Variants in DIP2C observed in about 807,000 individuals in gnomAD.
DIP2C encodes the protein DIP2 acetate--CoA ligase C (putative), also known as disco-interacting protein 2 homolog C.
A neutral mutation model predicts 192.4 loss-of-function variants in DIP2C; 33 were observed. The ratio of observed to expected loss-of-function variants is 0.17; its 90% CI spans 0.13 to 0.23. DIP2C has a LOEUF of 0.23. DIP2C is among the 10% of genes least tolerant of loss of function. The pLI, the probability that DIP2C is intolerant of heterozygous loss-of-function variation, is 1.00. For missense variants in DIP2C, 1,537 were observed against 2,110.1 expected (o/e 0.73, Z 5.32); for synonymous variants, 979 against 864.1 (o/e 1.13, Z -2.33).
chr10:638,614 TTGAC>T (rs1854965064), intron 1 of DIP2C, among the ~76,000 whole-genome samples: 1 of 152,210 alleles, frequency 6.6e-6, no homozygotes, highest in Non-Finnish European at 1.5e-5. Flanking sequence ...TTGACAAAGT[TTGAC>T]TGTGAGTTTC....
At chr10:637,867 C>A (rs1159140228) in intron 1 of DIP2C, among the ~76,000 whole-genome samples, 1 of 152,236 alleles carries the variant, frequency 6.6e-6, no homozygotes, top group East Asian at 1.9e-4. Flanking sequence ...GATTCTAAAT[C>A]ACCGTCCTCT....
chr10:378,767 G>A lies in DIP2C; in HGVS notation c.1991+3880C>T, dbSNP rs138191097. Among the ~76,000 whole-genome samples, 189 of 149,790 alleles carry A rather than the reference G, an allele frequency of 1.3e-3. 1 individual carries two copies. The highest frequency in any genetic ancestry group is 4.5e-3 in the African/African-American group (182 of 40,222). ...CACATGTGAACACATGCCTAGACAC[G>A]TGAACACACATGCCTAGACACCCAT... is the stretch of plus-strand genomic sequence containing the variant. On this transcript the variant is annotated intron_variant, in intron 17 of 36. Transcript: ENST00000280886.
chr10:556,198 C>T (rs1848858144), intron 1 of DIP2C, among the ~76,000 whole-genome samples: 3 of 123,980 alleles, frequency 2.4e-5, no homozygotes, highest in Non-Finnish European at 5.0e-5. Context: ...CAGCACCCAC[C>T]CACCCCTCCC....
intron 3 of DIP2C, among the ~76,000 whole-genome samples, chr10:441,937 GGTGACAGACGGGGTAGAGAA>G: frequency 6.8e-6 from 1 of 147,394 alleles, no homozygotes; most frequent in Non-Finnish European, 1.5e-5. Context: ...GGACAAGACA[GGTGACAGACGGGGTAGAGAA>G]TTAAAGCAGA....
chr10:581,519 AAAG>A (rs1850662410), intron 1 of DIP2C, among the ~76,000 whole-genome samples: 1 of 152,262 alleles, frequency 6.6e-6, no homozygotes, highest in Non-Finnish European at 1.5e-5. Flanking sequence ...GCCTCTAGAA[AAAG>A]AAAAGATACA....
chr10:553,796 TG>T (rs1431854239), intron 1 of DIP2C, among the ~76,000 whole-genome samples: 3 of 151,848 alleles, frequency 2.0e-5, no homozygotes, highest in African/African-American at 7.3e-5. Flanking sequence ...GTATACCGCT[TG>T]TAACTGTAAG....
At chr10:345,175 A>G (rs1958376986) in intron 26 of DIP2C, 65 bp from the exon 27 acceptor site, 2 of 1,434,214 alleles carry the variant, frequency 1.4e-6, no homozygotes, top group African/African-American at 1.4e-5. Context: ...CTCACTTCAC[A>G]CGGGTCTCCT....
chr10:367,522 AAG>A (rs1021404626), intron 18 of DIP2C, among the ~76,000 whole-genome samples: 1 of 152,264 alleles, frequency 6.6e-6, no homozygotes, highest in African/African-American at 2.4e-5. Context: ...GGAGTGGAGA[AAG>A]AAGTGCTGCT....
chr10:283,942 G>C (rs1589382730), intron 34 of DIP2C, among the ~76,000 whole-genome samples: 1 of 152,184 alleles, frequency 6.6e-6, no homozygotes, highest in Non-Finnish European at 1.5e-5. Context: ...CCAAAAACCG[G>C]AAACGAAAAT....
intron 1 of DIP2C, among the ~76,000 whole-genome samples, chr10:598,989 G>GC (rs1187846821): frequency 6.6e-6 from 1 of 152,210 alleles, no homozygotes; most frequent in South Asian, 2.1e-4. Flanking sequence ...CACAGGCACG[G>GC]CCCCCGGGCC....
chr10:555,642 C>A (rs542962147), intron 1 of DIP2C, among the ~76,000 whole-genome samples: 1 of 152,140 alleles, frequency 6.6e-6, no homozygotes, highest in South Asian at 2.1e-4. Context: ...GGACCAGCCA[C>A]GTGAGGGGAA....
chr10:557,098 G>A (rs1014666851), intron 1 of DIP2C, among the ~76,000 whole-genome samples: 1 of 152,242 alleles, frequency 6.6e-6, no homozygotes, highest in Non-Finnish European at 1.5e-5. Context: ...ACGGCCAGGA[G>A]ACCGGCCACC....
At chr10:439,875 A>G (rs1444530094) in intron 4 of DIP2C, among the ~76,000 whole-genome samples, 1 of 152,196 alleles carries the variant, frequency 6.6e-6, no homozygotes, top group Non-Finnish European at 1.5e-5. Context: ...TTCATATTGT[A>G]CCTTAAGTTT....
intron 10 of DIP2C, among the ~76,000 whole-genome samples, chr10:395,108 A>G (rs1490075314): frequency 3.9e-5 from 3 of 77,064 alleles, no homozygotes; most frequent in Non-Finnish European, 6.7e-5. Flanking sequence ...GGGGGGAGGG[A>G]GGAGTTGGGG....
At chr10:369,448 G>T (rs774791127) in intron 18 of DIP2C, 46 bp downstream of exon 18, 1 of 1,484,118 alleles carries the variant, frequency 6.7e-7, no homozygotes, top group Non-Finnish European at 9.0e-7. Context: ...TGTTAGAAAA[G>T]CATTTAATAA....
chr10:345,082 G>A lies in DIP2C; in HGVS notation c.3260C>T (p.Thr1087Ile). Residue 1087 changes from threonine (T) to isoleucine (I), a missense_variant, in exon 27 of 37, where the codon ACA becomes ATA. Thr to Ile is a moderately conservative substitution (Grantham distance 89). This residue lies in a region of DIP2C where 677 missense variants were observed against 989.9 expected (regional missense o/e 0.68). Coordinates refer to ENST00000280886, the MANE Select transcript of DIP2C (RefSeq NM_014974.3). ...EVSRSACLMT[T>I]QLICKLLRSR... ...CCGCAGCAACTTACAGATCAGCTGTGTCGTCATCAGACAGGCAGAGCGACT... is the reference window on the plus strand; with the variant it reads ...CCGCAGCAACTTACAGATCAGCTGTATCGTCATCAGACAGGCAGAGCGACT... 1.2e-6 allele frequency: 2 copies of A among 1,613,246 alleles called. No homozygotes were observed. Among genetic ancestry groups the A allele is most frequent in the Non-Finnish European group, 1.7e-6 (2 of 1,179,926 alleles).
At chr10:607,395 C>A (rs1012597992) in intron 1 of DIP2C, among the ~76,000 whole-genome samples, 2 of 152,172 alleles carry the variant, frequency 1.3e-5, no homozygotes, top group African/African-American at 4.8e-5. Flanking sequence ...TTCCAGGAGC[C>A]GCCTACATGA....
intron 17 of DIP2C, among the ~76,000 whole-genome samples, chr10:378,012 G>A (rs1037508329): frequency 6.6e-6 from 1 of 152,144 alleles, no homozygotes; most frequent in Non-Finnish European, 1.5e-5. Context: ...TCTAGAGATG[G>A]TAACAGAGTC....
chr10:619,383 T>C (rs988648720), intron 1 of DIP2C, among the ~76,000 whole-genome samples: 25 of 152,220 alleles, frequency 1.6e-4, no homozygotes, highest in African/African-American at 5.3e-4. Flanking sequence ...GACCGTCTCC[T>C]TGCCTCCCTC....
Sources: allele counts gnomAD v4.1 joint callset (sites outside exome capture counted in the v4.1 genomes callset), GRCh38; gene constraint gnomAD v4.1.1; regional missense constraint gnomAD v4.1.1; transcripts MANE v1.5; gene names NCBI Gene and HGNC (gene_info 2026-07-23, HGNC 2026-07-21).